Variants in EPHA7 observed in about 807,000 individuals in gnomAD.
The protein encoded by EPHA7 is ephrin type-A receptor 7.
In EPHA7, 25 loss-of-function variants were observed where a neutral mutation model predicts 112.6. That is an observed-to-expected ratio of 0.22 (90% confidence interval 0.16 to 0.31). EPHA7 has a LOEUF of 0.31. Ranked by LOEUF, EPHA7 falls within the 10% of genes least tolerant of loss-of-function variation. The pLI is 1.00. For missense variants in EPHA7, 962 were observed against 1,212.6 expected (o/e 0.79, Z 3.07); for synonymous variants, 437 against 406.5 (o/e 1.07, Z -0.90).
intron 9 of EPHA7, 81 bp downstream of exon 9, chr6:93,263,779 G>T (rs1770799475): frequency 9.3e-7 from 1 of 1,079,212 alleles, no homozygotes; most frequent in Non-Finnish European, 1.4e-6. Flanking sequence ...GATGCATGAG[G>T]ACTTTGTTAA....
chr6:93,397,963 C>T (rs147002960), intron 3 of EPHA7, among the ~76,000 whole-genome samples: 11 of 151,984 alleles, frequency 7.2e-5, no homozygotes, highest in African/African-American at 2.7e-4. Context: ...GTTGTATTCA[C>T]AGGTTCCTGA....
intron 3 of EPHA7, among the ~76,000 whole-genome samples, chr6:93,392,080 C>T (rs944880112): frequency 1.3e-4 from 20 of 152,060 alleles, no homozygotes; most frequent in African/African-American, 3.1e-4. Flanking sequence ...TACAGAATAA[C>T]GCAATTTTTA....
At chr6:93,314,718 TG>T (rs1773709309) in intron 5 of EPHA7, among the ~76,000 whole-genome samples, 1 of 152,182 alleles carries the variant, frequency 6.6e-6, no homozygotes, top group Non-Finnish European at 1.5e-5. Flanking sequence ...TGTCTGGAAT[TG>T]AACTATGAAT....
At chr6:93,258,506 A>G (rs1244863940) in intron 10 of EPHA7, among the ~76,000 whole-genome samples, 1 of 151,934 alleles carries the variant, frequency 6.6e-6, no homozygotes, top group Non-Finnish European at 1.5e-5. Context: ...TTATGAAAAT[A>G]ATGGCATAAA....
chr6:93,290,607 C>G (rs1027402369), intron 5 of EPHA7, among the ~76,000 whole-genome samples: 1 of 152,170 alleles, frequency 6.6e-6, no homozygotes, highest in African/African-American at 2.4e-5. Flanking sequence ...TCTTTCCTCT[C>G]TCTCTCCTTT....
intron 5 of EPHA7, among the ~76,000 whole-genome samples, chr6:93,310,323 C>T (rs1183248606): frequency 6.6e-6 from 1 of 152,082 alleles, no homozygotes; most frequent in African/African-American, 2.4e-5. Flanking sequence ...CAATAGATGA[C>T]ATCAATGTTT....
chr6:93,366,648 G>A (rs1398508754), intron 3 of EPHA7, among the ~76,000 whole-genome samples: 2 of 152,054 alleles, frequency 1.3e-5, no homozygotes, highest in African/African-American at 4.8e-5. Context: ...GCATCCACAC[G>A]GCACCCCTGA....
rs1208482809 is a variant in EPHA7, at chr6:93,314,192, A to C, written c.1325-41770T>G. On this transcript the variant is annotated intron_variant, in intron 5 of 16. Coordinates refer to ENST00000369303, the MANE Select transcript of EPHA7 (RefSeq NM_004440.4). ...TGTCTCAAAATTACATTAGAAAATAAATGTCAAGAAGTTTCAGTTTGGCTA... is the reference window on the plus strand; with the variant it reads ...TGTCTCAAAATTACATTAGAAAATACATGTCAAGAAGTTTCAGTTTGGCTA... 3.9e-5 allele frequency among the ~76,000 whole-genome samples: 6 copies of C among 152,154 alleles called. No individual in the cohort carries two copies. The East Asian group carries it at 1.2e-3, about 29-fold the overall frequency.
intron 3 of EPHA7, chr6:93,409,603 T>C (rs1778876785): frequency 6.6e-6 from 1 of 151,950 alleles, no homozygotes; most frequent in South Asian, 2.1e-4. Context: ...TATAGATATA[T>C]GTGTTATTTT....
chr6:93,350,447 A>C (rs2127936235), intron 5 of EPHA7, among the ~76,000 whole-genome samples: 1 of 152,126 alleles, frequency 6.6e-6, no homozygotes, highest in South Asian at 2.1e-4. Context: ...TGACCTTTGT[A>C]AAGTCATTCG....
At chr6:93,325,722 C>T (rs771219271) in intron 5 of EPHA7, among the ~76,000 whole-genome samples, 12 of 151,244 alleles carry the variant, frequency 7.9e-5, no homozygotes, top group South Asian at 2.1e-4. Flanking sequence ...AAAACTGTTA[C>T]GAATCTACTG....
At chr6:93,278,573 T>C (rs953155770) in intron 5 of EPHA7, among the ~76,000 whole-genome samples, 1 of 152,034 alleles carries the variant, frequency 6.6e-6, no homozygotes, top group Non-Finnish European at 1.5e-5. Context: ...ATTCAACAAG[T>C]ATTTGTTTGG....
At position 93,356,015 on chromosome 6, in the gene EPHA7, G is replaced by A. The variant is rs1775925655; in HGVS notation, c.1324+702C>T. On this transcript the variant is annotated intron_variant, in intron 5 of 16. Transcript: ENST00000369303. ...AGTAAAAAATTGGGTAACATTATGT[G>A]AGACAATGAAGCCAACTCTTTCATT... 2.0e-5 allele frequency among the ~76,000 whole-genome samples: 3 copies of A among 152,132 alleles called. No homozygotes were observed. The South Asian group carries it at 6.2e-4, about 32-fold the overall frequency.
intron 5 of EPHA7, among the ~76,000 whole-genome samples, chr6:93,318,803 T>A (rs1773930081): frequency 6.6e-6 from 1 of 152,138 alleles, no homozygotes. Flanking sequence ...TTCTCAATTT[T>A]AAAGTTACCT....
At chr6:93,356,685 T>C (rs758677342) in intron 5 of EPHA7, 32 bp downstream of exon 5, 24 of 1,564,662 alleles carry the variant, frequency 1.5e-5, no homozygotes, top group Non-Finnish European at 2.1e-5. Context: ...AGTCACATTA[T>C]TTCATTCAGT....
At chr6:93,315,195 G>T (rs1009922771) in intron 5 of EPHA7, among the ~76,000 whole-genome samples, 2 of 152,096 alleles carry the variant, frequency 1.3e-5, no homozygotes, top group Non-Finnish European at 2.9e-5. Flanking sequence ...AATGTATTAA[G>T]TGATTAGTAA....
At position 93,241,239 on chromosome 6, in the gene EPHA7, C is replaced by T. The variant is rs1248659806; in HGVS notation, c.*2187G>A. ...AAAAATAAGCACCTTAAGCTATGAACAAGAAAAGAACTTCATTATTAGTGA... is the reference window on the plus strand; with the variant it reads ...AAAAATAAGCACCTTAAGCTATGAATAAGAAAAGAACTTCATTATTAGTGA... On this transcript the variant is annotated 3_prime_UTR_variant, in exon 17 of 17. Coordinates refer to ENST00000369303, the MANE Select transcript of EPHA7 (RefSeq NM_004440.4). 1 of 218,224 alleles carries T rather than the reference C, an allele frequency of 4.6e-6. No homozygotes were observed. Among genetic ancestry groups the T allele is most frequent in the African/African-American group, 2.2e-5 (1 of 44,450 alleles). The allele number at this position is 218,224 out of a possible 1,614,324, so 13.5% of individuals were successfully genotyped here.
At chr6:93,312,910 T>G (rs1348332667) in intron 5 of EPHA7, among the ~76,000 whole-genome samples, 1 of 152,144 alleles carries the variant, frequency 6.6e-6, no homozygotes, top group Non-Finnish European at 1.5e-5. Flanking sequence ...GATAGGGAAA[T>G]AGTTGGTGGA....
At chr6:93,299,951 C>T (rs1213262747) in intron 5 of EPHA7, among the ~76,000 whole-genome samples, 1 of 152,068 alleles carries the variant, frequency 6.6e-6, no homozygotes, top group East Asian at 1.9e-4. Flanking sequence ...AATAGGGGAA[C>T]AGAAGACTCT....
Sources: allele counts gnomAD v4.1 joint callset (sites outside exome capture counted in the v4.1 genomes callset), GRCh38; gene constraint gnomAD v4.1.1; transcripts MANE v1.5; gene names NCBI Gene and HGNC (gene_info 2026-07-23, HGNC 2026-07-21).